Variants in SORCS1 observed in about 807,000 individuals in gnomAD.
SORCS1 encodes VPS10 domain-containing receptor SorCS1.
Under a neutral mutation model 146.1 loss-of-function variants are expected in SORCS1, and 60 were observed. The ratio of observed to expected loss-of-function variants is 0.41; its 90% CI spans 0.33 to 0.51. SORCS1 has a LOEUF of 0.51. Ranked by LOEUF, SORCS1 falls within the 20% of genes least tolerant of loss-of-function variation. The pLI, the probability that SORCS1 is intolerant of heterozygous loss-of-function variation, is 0.21. For synonymous variants in SORCS1, 637 were observed against 584.0 expected, an observed-to-expected ratio of 1.09 and a Z score of -1.31; for missense variants, 1,352 against 1,487.6, an observed-to-expected ratio of 0.91 and a Z score of 1.50.
chr10:106,632,634 T>C (rs1031002910), intron 18 of SORCS1, among the ~76,000 whole-genome samples: 2 of 152,204 alleles, frequency 1.3e-5, no homozygotes, highest in African/African-American at 4.8e-5. Flanking sequence ...GAAAATGTTA[T>C]TAAGCAAGCA....
At chr10:107,104,912 C>G (rs954853740) in intron 1 of SORCS1, among the ~76,000 whole-genome samples, 7 of 152,176 alleles carry the variant, frequency 4.6e-5, no homozygotes, top group Non-Finnish European at 7.3e-5. Flanking sequence ...GAAATAGGAT[C>G]TGGAAGAACT....
chr10:106,916,823 C>T (rs1952459622), intron 2 of SORCS1, among the ~76,000 whole-genome samples: 2 of 152,080 alleles, frequency 1.3e-5, no homozygotes, highest in Admixed American at 1.3e-4. Context: ...GATCTCAGCT[C>T]ACTGCAACCT....
intron 2 of SORCS1, among the ~76,000 whole-genome samples, chr10:106,922,920 C>T (rs548337139): frequency 3.1e-4 from 46 of 148,378 alleles, no homozygotes; most frequent in Middle Eastern, 3.5e-3. Flanking sequence ...CATGGAGTCT[C>T]GCTCTGTCCC....
At chr10:107,080,567 G>C (rs1424616452) in intron 1 of SORCS1, among the ~76,000 whole-genome samples, 1 of 152,150 alleles carries the variant, frequency 6.6e-6, no homozygotes, top group Admixed American at 6.6e-5. Context: ...TAATCAGACA[G>C]TGCATTATTT....
intron 1 of SORCS1, among the ~76,000 whole-genome samples, chr10:107,043,779 T>C (rs17121959): frequency 0.011 from 1,623 of 152,298 alleles, 15 homozygotes; most frequent in South Asian, 0.028. Flanking sequence ...AGTGTTTCAT[T>C]GTGGGATTTC....
chr10:106,800,811 GAT>G, intron 3 of SORCS1, among the ~76,000 whole-genome samples: 1 of 152,232 alleles, frequency 6.6e-6, no homozygotes, highest in Non-Finnish European at 1.5e-5. Context: ...AAAGTGCTGG[GAT>G]TACAGGCATG....
Position 106,995,774 on chromosome 10 carries a change from C to T in SORCS1, c.559-39194G>A, listed in dbSNP as rs12570149. On this transcript the variant is annotated intron_variant, in intron 1 of 25. Coordinates refer to ENST00000263054, the MANE Select transcript of SORCS1 (RefSeq NM_052918.5). ...TAGCAGCAACAATAATAATACAATG[C>T]TAAGTGATAATTTAAAAAAAAACAA... Among the ~76,000 whole-genome samples, 9 of 151,686 alleles carry T rather than the reference C, an allele frequency of 5.9e-5. No individual in the cohort carries two copies. In the South Asian group the frequency reaches 1.5e-3, roughly 25 times the overall value.
chr10:107,126,630 G>A (rs942546813), intron 1 of SORCS1, among the ~76,000 whole-genome samples: 1 of 152,062 alleles, frequency 6.6e-6, no homozygotes, highest in Admixed American at 6.6e-5. Flanking sequence ...TATTTGTGGA[G>A]AGTCTGTCTC....
At chr10:106,811,759 T>C (rs1372849270) in intron 3 of SORCS1, among the ~76,000 whole-genome samples, 1 of 152,218 alleles carries the variant, frequency 6.6e-6, no homozygotes, top group Non-Finnish European at 1.5e-5. Flanking sequence ...CATTGAGCAG[T>C]TGCTATTAAC....
intron 1 of SORCS1, among the ~76,000 whole-genome samples, chr10:107,027,204 A>T: frequency 6.6e-6 from 1 of 151,880 alleles, no homozygotes; most frequent in East Asian, 1.9e-4. Flanking sequence ...TTTAAAATAG[A>T]ATCAGGGGAT....
chr10:106,989,670 G>GTTTTTTTT lies in SORCS1; in HGVS notation c.559-33098_559-33091dup, dbSNP rs1335278625. Among the ~76,000 whole-genome samples the GTTTTTTTT allele has an allele frequency of 2.4e-4, 28 of 116,424 alleles. 5 individuals are homozygous for GTTTTTTTT. The highest frequency in any genetic ancestry group is 9.9e-4 in the African/African-American group (22 of 22,206). 76.4% of individuals were successfully genotyped at this position (116,424 alleles called of 152,430 possible). On this transcript the variant is annotated intron_variant, in intron 1 of 25. Transcript: ENST00000263054. Reference sequence around the variant, plus strand: ...CTCTTTATATACTCATATTTTTTCTGTTTTTTTTTGTTTTTTTTTTTTTTT... The same window carrying GTTTTTTTT: ...CTCTTTATATACTCATATTTTTTCTGTTTTTTTTTTTTTTTTTGTTTTTTTTTTTTTTT...
chr10:106,662,555 C>T (rs546375444), intron 17 of SORCS1, among the ~76,000 whole-genome samples: 4 of 152,290 alleles, frequency 2.6e-5, no homozygotes, highest in African/African-American at 9.6e-5. Context: ...CACTTCATCC[C>T]AGCCCTGAGG....
chr10:106,808,661 C>T (rs1033545440), intron 3 of SORCS1, among the ~76,000 whole-genome samples: 1 of 152,114 alleles, frequency 6.6e-6, no homozygotes, highest in Non-Finnish European at 1.5e-5. Context: ...CGCCACCTCG[C>T]CTGGCTAATT....
At chr10:106,736,328 AG>A (rs1243742847) in intron 5 of SORCS1, among the ~76,000 whole-genome samples, 1 of 152,222 alleles carries the variant, frequency 6.6e-6, no homozygotes, top group Non-Finnish European at 1.5e-5. Context: ...ATTCAGATTC[AG>A]AATTGCAGTT....
chr10:106,817,433 A>T (rs1028334108), intron 3 of SORCS1, among the ~76,000 whole-genome samples: 1 of 152,134 alleles, frequency 6.6e-6, no homozygotes, highest in Non-Finnish European at 1.5e-5. Context: ...CTGCTTCCCC[A>T]CAAATGCTTG....
intron 23 of SORCS1, chr10:106,600,282 A>T: frequency 1.1e-6 from 1 of 946,866 alleles, no homozygotes; most frequent in South Asian, 4.9e-5. Flanking sequence ...TATCTGTGTC[A>T]CTTACAAAAT....
chr10:106,824,744 A>G (rs1250419898), intron 3 of SORCS1, among the ~76,000 whole-genome samples: 2 of 152,196 alleles, frequency 1.3e-5, no homozygotes, highest in Admixed American at 1.3e-4. Context: ...AAACTTAAAC[A>G]TCTGGAGAAA....
chr10:106,577,697 C>T, intron 25 of SORCS1, 142 bp from the exon 26 acceptor site: 4 of 1,441,040 alleles, frequency 2.8e-6, no homozygotes, highest in Non-Finnish European at 2.7e-6. Context: ...GTGCTTCATA[C>T]CCTACGGAAA....
intron 2 of SORCS1, among the ~76,000 whole-genome samples, chr10:106,955,031 G>A (rs1055808725): frequency 1.3e-5 from 2 of 152,252 alleles, no homozygotes; most frequent in African/African-American, 4.8e-5. Flanking sequence ...AGTGGCGCTG[G>A]GCCAGCCTAG....
Sources: allele counts gnomAD v4.1 joint callset (sites outside exome capture counted in the v4.1 genomes callset), GRCh38; gene constraint gnomAD v4.1.1; transcripts MANE v1.5; gene names NCBI Gene and HGNC (gene_info 2026-07-23, HGNC 2026-07-21).